The following NELL2 variants were observed in gnomAD, a reference collection of about 807,000 sequenced individuals.
NELL2 encodes protein kinase C-binding protein NELL2.
In NELL2, 41 loss-of-function variants were observed where a neutral mutation model predicts 109.6. The observed-to-expected ratio is 0.37, with a 90% CI of 0.29 to 0.49. The LOEUF (loss-of-function observed/expected upper bound fraction) is 0.49. Among genes scored for constraint, NELL2 ranks in the 20% least tolerant of loss-of-function variants. The pLI is 0.98. For synonymous variants in NELL2, 355 were observed against 344.7 expected (o/e 1.03, Z -0.33); for missense variants, 900 against 1,008.3 (o/e 0.89, Z 1.45).
At chr12:44,667,021 C>T (rs933170325) in intron 12 of NELL2, among the ~76,000 whole-genome samples, 2 of 152,120 alleles carry the variant, frequency 1.3e-5, no homozygotes, top group African/African-American at 4.8e-5. Context: ...AATGTCCCTC[C>T]TACAAAAACT....
At position 44,701,838 on chromosome 12, in the gene NELL2, A is replaced by G. The variant is rs1949238881; in HGVS notation, c.1318+1888T>C. ...CATCTATCACACTGGAGCCAGAACT[A>G]TCCTTTTCAATACAGGGCTGAGCAT... On this transcript the variant is annotated intron_variant, in intron 12 of 19. Coordinates refer to ENST00000429094, the MANE Select transcript of NELL2 (RefSeq NM_001145108.2). Among the ~76,000 whole-genome samples the G allele has an allele frequency of 2.0e-5, 3 of 152,180 alleles. No homozygotes were observed. The South Asian group carries it at 6.2e-4, about 32-fold the overall frequency.
chr12:44,653,289 G>A (rs1369205372), intron 13 of NELL2, among the ~76,000 whole-genome samples: 2 of 152,040 alleles, frequency 1.3e-5, no homozygotes, highest in Non-Finnish European at 2.9e-5. Flanking sequence ...CCATTTTAAA[G>A]ATGAAGAAAC....
At chr12:44,573,263 G>T (rs897619338) in intron 15 of NELL2, among the ~76,000 whole-genome samples, 1 of 152,178 alleles carries the variant, frequency 6.6e-6, no homozygotes, top group African/African-American at 2.4e-5. Flanking sequence ...ACAGTTTTGA[G>T]ATAGGGCAGA....
At position 44,779,830 on chromosome 12, in the gene NELL2, A is replaced by G; in HGVS notation, c.509+19T>C. 6.2e-7 allele frequency: 1 copy of G among 1,613,666 alleles called. No homozygotes were observed. The highest frequency in any genetic ancestry group is 8.5e-7 in the Non-Finnish European group (1 of 1,179,626). ...TTCTTAGAATCTTCCATTTCCTAAA[A>G]TGAGGACACTACACTTACTTATTGC... is the stretch of plus-strand genomic sequence containing the variant. On this transcript the variant is annotated intron_variant, in intron 4 of 19. Coordinates refer to ENST00000429094, the MANE Select transcript of NELL2 (RefSeq NM_001145108.2).
rs558495373 is a variant in NELL2, at chr12:44,549,628, C to G, written c.1664-16907G>C. On this transcript the variant is annotated intron_variant, in intron 15 of 19. Coordinates refer to ENST00000429094, the MANE Select transcript of NELL2 (RefSeq NM_001145108.2). ...TGCATTTCTATACACTAATGGCGAA[C>G]TATTTGAAAAAGAAGTTCAGAAAAC... Among the ~76,000 whole-genome samples the G allele has an allele frequency of 2.9e-4, 44 of 152,058 alleles. No individual in the cohort carries two copies. In the South Asian group the frequency reaches 8.7e-3, roughly 30 times the overall value.
chr12:44,705,164 G>C (rs1232349061), intron 11 of NELL2, among the ~76,000 whole-genome samples: 2 of 151,932 alleles, frequency 1.3e-5, no homozygotes, highest in Non-Finnish European at 2.9e-5. Flanking sequence ...AATCAAATTG[G>C]TGTTCATTCG....
chr12:44,769,778 T>C (rs536297263), intron 9 of NELL2, among the ~76,000 whole-genome samples: 16 of 152,240 alleles, frequency 1.1e-4, no homozygotes, highest in Admixed American at 6.5e-4. Context: ...CAGCAATAAG[T>C]ATAACTGATC....
chr12:44,810,469 G>A (rs946338486), intron 3 of NELL2, among the ~76,000 whole-genome samples: 22 of 152,044 alleles, frequency 1.4e-4, no homozygotes, highest in Non-Finnish European at 2.5e-4. Context: ...TAAGCTATTG[G>A]TTCATCTGCC....
chr12:44,888,843 A>G (rs915842643), intron 1 of NELL2, among the ~76,000 whole-genome samples: 1 of 151,632 alleles, frequency 6.6e-6, no homozygotes, highest in East Asian at 2.0e-4. Flanking sequence ...CATAAAATAA[A>G]AAAAAAATAA....
intron 13 of NELL2, 178 bp downstream of exon 13, chr12:44,665,306 C>A: frequency 2.2e-6 from 1 of 447,672 alleles, no homozygotes; most frequent in South Asian, 4.4e-5. Context: ...CCAGAGCAAG[C>A]AGGTGTTTTT....
At chr12:44,742,081 T>C (rs1203599726) in intron 9 of NELL2, among the ~76,000 whole-genome samples, 1 of 152,074 alleles carries the variant, frequency 6.6e-6, no homozygotes, top group Non-Finnish European at 1.5e-5. Flanking sequence ...GACTGACACC[T>C]CACACAGCCG....
At position 44,774,739 on chromosome 12, in the gene NELL2, A is replaced by T. The variant is rs1941682546; in HGVS notation, c.994+8T>A. ...AAAGAAAGTATTCATCATAAAAGTT[A>T]TGCTCACATTTGCATTCCTTACAGC... On this transcript the variant is annotated splice_region_variant and intron_variant, in intron 9 of 19. Coordinates refer to ENST00000429094, the MANE Select transcript of NELL2 (RefSeq NM_001145108.2). The T allele has an allele frequency of 2.5e-6, 4 of 1,603,142 alleles. No homozygotes were observed. The East Asian group carries it at 6.7e-5, about 27-fold the overall frequency.
chr12:44,703,828 T>C lies in NELL2; in HGVS notation c.1216A>G (p.Asn406Asp). Reference protein sequence around the residue: ...KGYDFCSERHNCMENSICRNL... With the variant: ...KGYDFCSERHDCMENSICRNL... ...CTGCAGATGGAATTCTCCATGCAGTTATGCCTTTCAGAACAAAAGTCATAA... is the reference window on the plus strand; with the variant it reads ...CTGCAGATGGAATTCTCCATGCAGTCATGCCTTTCAGAACAAAAGTCATAA... The change falls in exon 12 of 20, where the codon AAC becomes GAC. Residue 406 changes from asparagine (N) to aspartate (D), a missense_variant. By Grantham distance (23) the Asn-to-Asp change is conservative (BLOSUM62 1). Coordinates refer to ENST00000429094, the MANE Select transcript of NELL2 (RefSeq NM_001145108.2). The C allele has an allele frequency of 6.2e-7, 1 of 1,613,320 alleles. No individual in the cohort carries two copies. Among genetic ancestry groups the C allele is most frequent in the South Asian group, 1.1e-5 (1 of 91,058 alleles).
Position 44,833,764 on chromosome 12 carries a change from C to T in NELL2, c.185-17628G>A, listed in dbSNP as rs111615385. Among the ~76,000 whole-genome samples the T allele has an allele frequency of 7.7e-3, 1,168 of 152,316 alleles. 14 individuals are homozygous for T. Among genetic ancestry groups the T allele is most frequent in the African/African-American group, 0.026 (1,089 of 41,566 alleles). ...CTAGGTAATACCTGATAATCTCACA[C>T]ACAGACACAATTTATGCTGTACAAA... On this transcript the variant is annotated intron_variant, in intron 2 of 19. Transcript: ENST00000429094.
intron 9 of NELL2, among the ~76,000 whole-genome samples, chr12:44,734,832 G>T (rs1939554496): frequency 1.3e-5 from 2 of 151,686 alleles, no homozygotes; most frequent in East Asian, 3.9e-4. Context: ...ACTCATTTAG[G>T]TTTACTCACT....
At chr12:44,548,071 C>T (rs1942873912) in intron 15 of NELL2, among the ~76,000 whole-genome samples, 2 of 152,242 alleles carry the variant, frequency 1.3e-5, no homozygotes, top group East Asian at 3.9e-4. Flanking sequence ...ATTGATTATT[C>T]ATTCCCTCCA....
chr12:44,670,721 T>C (rs1948110012), intron 12 of NELL2, among the ~76,000 whole-genome samples: 1 of 151,894 alleles, frequency 6.6e-6, no homozygotes, highest in Non-Finnish European at 1.5e-5. Flanking sequence ...TCAATATAGA[T>C]GACAAAGGAA....
At chr12:44,733,599 CAGTCATGAA>C (rs1314595593) in intron 9 of NELL2, among the ~76,000 whole-genome samples, 1 of 151,882 alleles carries the variant, frequency 6.6e-6, no homozygotes, top group Admixed American at 6.6e-5. Context: ...TATAGAGTTT[CAGTCATGAA>C]AGATGAGAAA....
intron 9 of NELL2, among the ~76,000 whole-genome samples, chr12:44,758,622 T>C (rs1252433912): frequency 6.6e-6 from 1 of 152,176 alleles, no homozygotes; most frequent in Non-Finnish European, 1.5e-5. Context: ...TTAGATACTG[T>C]CAAGTGATGA....
Sources: allele counts gnomAD v4.1 joint callset (sites outside exome capture counted in the v4.1 genomes callset), GRCh38; gene constraint gnomAD v4.1.1; transcripts MANE v1.5; gene names NCBI Gene and HGNC (gene_info 2026-07-23, HGNC 2026-07-21).